The following RASAL2 variants were observed in gnomAD, a reference collection of about 807,000 sequenced individuals.
The protein encoded by RASAL2 is ras GTPase-activating protein nGAP.
Under a neutral mutation model 128.9 loss-of-function variants are expected in RASAL2, and 58 were observed. That is an observed-to-expected ratio of 0.45 (90% CI 0.36 to 0.56). RASAL2 has a LOEUF of 0.56. Ranked by LOEUF, RASAL2 falls within the 20% of genes least tolerant of loss-of-function variation. The pLI is 0.00. For synonymous variants in RASAL2, 561 were observed against 580.8 expected, an observed-to-expected ratio of 0.97 and a Z score of 0.49; for missense variants, 1,360 against 1,601.6, an observed-to-expected ratio of 0.85 and a Z score of 2.57.
chr1:178,259,051 A>C (rs1349917315), intron 1 of RASAL2, among the ~76,000 whole-genome samples: 1 of 151,800 alleles, frequency 6.6e-6, no homozygotes, highest in Admixed American at 6.6e-5. Context: ...ATATAGAGAC[A>C]GGAAGCAGAT....
chr1:178,229,790 G>A (rs561340720), intron 1 of RASAL2, among the ~76,000 whole-genome samples: 3 of 152,240 alleles, frequency 2.0e-5, no homozygotes, highest in Non-Finnish European at 4.4e-5. Context: ...ATAGAGTTCA[G>A]TGTTGCTTTT....
At chr1:178,258,053 G>C (rs1025801841) in intron 1 of RASAL2, among the ~76,000 whole-genome samples, 1 of 152,054 alleles carries the variant, frequency 6.6e-6, no homozygotes, top group Non-Finnish European at 1.5e-5. Flanking sequence ...CCAGCACTTT[G>C]GGAGGTCAAG....
chr1:178,452,287 C>T (rs1340852520), intron 10 of RASAL2, 129 bp from the exon 11 acceptor site: 12 of 787,920 alleles, frequency 1.5e-5, no homozygotes, highest in Admixed American at 6.8e-5. Context: ...AACCTCATCC[C>T]GGAATTTCTA....
intron 4 of RASAL2, among the ~76,000 whole-genome samples, chr1:178,392,485 T>C (rs1396876287): frequency 1.3e-5 from 2 of 151,944 alleles, no homozygotes; most frequent in Non-Finnish European, 2.9e-5. Flanking sequence ...TGTGATTGAG[T>C]TTGTTCATCA....
At chr1:178,412,136 AC>A (rs1162688539) in intron 4 of RASAL2, among the ~76,000 whole-genome samples, 2 of 152,094 alleles carry the variant, frequency 1.3e-5, no homozygotes, top group African/African-American at 4.8e-5. Flanking sequence ...AAGCTAGGGT[AC>A]TAGACATCAC....
chr1:178,306,359 T>C (rs990540124), intron 3 of RASAL2, among the ~76,000 whole-genome samples: 168 of 152,302 alleles, frequency 1.1e-3, no homozygotes, highest in Non-Finnish European at 1.8e-3. Flanking sequence ...AATAAACATA[T>C]GTATGCATGT....
chr1:178,285,045 A>T (rs1399011618), intron 2 of RASAL2, among the ~76,000 whole-genome samples: 5 of 151,026 alleles, frequency 3.3e-5, no homozygotes, highest in Non-Finnish European at 7.4e-5. Flanking sequence ...TGTGGTAACA[A>T]TACTACCAAT....
chr1:178,333,037 A>G (rs1449319647), intron 3 of RASAL2, among the ~76,000 whole-genome samples: 1 of 146,666 alleles, frequency 6.8e-6, no homozygotes, highest in Non-Finnish European at 1.5e-5. Flanking sequence ...TTATTTATTA[A>G]TTTTTTTTTG....
chr1:178,457,874 T>G lies in RASAL2; in HGVS notation c.2582T>G (p.Val861Gly). The part of the protein sequence containing the change: ...MDLQDTHAAQ[V>G]EHASVMLDVP... ...CTCCAGGACACTCATGCTGCTCAAGTGGAGCATGCATCTGTCATGCTTGAT... is the reference window on the plus strand; with the variant it reads ...CTCCAGGACACTCATGCTGCTCAAGGGGAGCATGCATCTGTCATGCTTGAT... The change falls in exon 14 of 18, where the codon GTG becomes GGG. Residue 861 changes from valine (V) to glycine (G), a missense_variant. Around this residue, in one of 3 missense-constraint regions of RASAL2, gnomAD observed 741 missense variants for 868.6 expected, o/e 0.85. Transcript: ENST00000367649. The G allele has an allele frequency of 1.2e-6, 2 of 1,614,174 alleles. No homozygotes were observed. The highest frequency in any genetic ancestry group is 1.7e-6 in the Non-Finnish European group (2 of 1,180,024).
chr1:178,397,284 A>G (rs989657560), intron 4 of RASAL2, among the ~76,000 whole-genome samples: 1 of 152,234 alleles, frequency 6.6e-6, no homozygotes. Flanking sequence ...ATGGCTTATT[A>G]TTTAGCCATG....
chr1:178,393,386 C>G (rs533204051), intron 4 of RASAL2, among the ~76,000 whole-genome samples: 11 of 152,342 alleles, frequency 7.2e-5, no homozygotes, highest in Admixed American at 2.6e-4. Flanking sequence ...GCAGTAGATT[C>G]TCATCAGGAA....
chr1:178,433,643 T>C (rs1676070074), intron 5 of RASAL2, among the ~76,000 whole-genome samples: 1 of 152,118 alleles, frequency 6.6e-6, no homozygotes, highest in African/African-American at 2.4e-5. Flanking sequence ...CCAAGCATGT[T>C]GGCTCACACC....
intron 3 of RASAL2, among the ~76,000 whole-genome samples, chr1:178,339,874 A>C (rs1459584515): frequency 6.6e-6 from 1 of 152,202 alleles, no homozygotes; most frequent in Admixed American, 6.5e-5. Context: ...CAAGTGAATA[A>C]TAAGAAAAAT....
intron 1 of RASAL2, among the ~76,000 whole-genome samples, chr1:178,109,645 A>G (rs1471254165): frequency 6.6e-6 from 1 of 152,160 alleles, no homozygotes; most frequent in African/African-American, 2.4e-5. Flanking sequence ...GTTCTTAAAA[A>G]TCTGTGATTC....
chr1:178,157,581 T>C (rs934429319), intron 1 of RASAL2, among the ~76,000 whole-genome samples: 2 of 152,106 alleles, frequency 1.3e-5, no homozygotes, highest in Non-Finnish European at 2.9e-5. Flanking sequence ...GCTCCCTGGG[T>C]TGCTGGTTTA....
chr1:178,477,439 G>T lies in RASAL2; in HGVS notation c.*4200G>T, dbSNP rs905844425. 4.6e-5 allele frequency: 7 copies of T among 152,036 alleles called. No homozygotes were observed. Among genetic ancestry groups the T allele is most frequent in the African/African-American group, 1.2e-4 (5 of 41,368 alleles). The allele number at this position is 152,036 out of a possible 1,614,324, so 9.4% of individuals were successfully genotyped here. A position where few individuals can be genotyped will look rare whatever the true frequency, so the allele number is the denominator to read the frequency against. ...TCATGACCCGATTATGTATACTCTT[G>T]GGTTTAGGAAGGACAAAAGTGATGA... is the stretch of plus-strand genomic sequence containing the variant. On this transcript the variant is annotated 3_prime_UTR_variant, in exon 18 of 18. Coordinates refer to ENST00000367649, the MANE Select transcript of RASAL2 (RefSeq NM_170692.4).
intron 1 of RASAL2, among the ~76,000 whole-genome samples, chr1:178,213,281 C>T (rs749015326): frequency 3.3e-5 from 5 of 152,060 alleles, no homozygotes; most frequent in African/African-American, 7.2e-5. Flanking sequence ...TGGGTGCAAG[C>T]GATTCTCCTG....
chr1:178,266,355 A>G (rs910296882), intron 1 of RASAL2, among the ~76,000 whole-genome samples: 1 of 152,158 alleles, frequency 6.6e-6, no homozygotes, highest in African/African-American at 2.4e-5. Flanking sequence ...TACATGTTAA[A>G]TGGACATTTG....
chr1:178,100,893 A>G (rs1354975051), intron 1 of RASAL2, among the ~76,000 whole-genome samples: 2 of 152,140 alleles, frequency 1.3e-5, no homozygotes, highest in East Asian at 1.9e-4. Context: ...TTAACTAACT[A>G]GAGAGTTGTT....
Sources: gnomAD v4.1 joint callset for allele counts (sites outside exome capture counted in the v4.1 genomes callset) on GRCh38, gnomAD v4.1.1 for gene constraint, gnomAD v4.1.1 regional missense constraint, MANE v1.5 for transcripts, NCBI Gene and HGNC (gene_info 2026-07-23, HGNC 2026-07-21) for gene names.